EFCAB11: variants seen among roughly 807,000 people sequenced by gnomAD.
EFCAB11 encodes the protein EF-hand calcium binding domain 11, also known as EF-hand calcium-binding domain-containing protein 11.
EFCAB11 carries 14 observed loss-of-function variants against 23.0 expected under a neutral mutation model. The observed-to-expected ratio is 0.61, with a 90% CI of 0.40 to 0.95. The LOEUF is 0.95. EFCAB11 is among the 40% of genes least tolerant of loss of function. The pLI is 0.00. For missense variants in EFCAB11, 198 were observed against 195.8 expected (o/e 1.01, Z -0.07); for synonymous variants, 65 against 66.6 (o/e 0.98, Z 0.11).
intron 5 of EFCAB11, among the ~76,000 whole-genome samples, chr14:89,818,784 T>A (rs1886415583): frequency 6.6e-6 from 1 of 152,154 alleles, no homozygotes; most frequent in African/African-American, 2.4e-5. Context: ...ATATTCAACG[T>A]CATTAGTCAT....
chr14:89,840,671 T>C (rs1566779712), intron 5 of EFCAB11, among the ~76,000 whole-genome samples: 1 of 152,232 alleles, frequency 6.6e-6, no homozygotes, highest in Admixed American at 6.5e-5. Flanking sequence ...GTTCTCTGCA[T>C]TTTAAATAGG....
At chr14:89,913,898 C>T (rs1368699488) in intron 5 of EFCAB11, among the ~76,000 whole-genome samples, 1 of 152,160 alleles carries the variant, frequency 6.6e-6, no homozygotes, top group Non-Finnish European at 1.5e-5. Context: ...CAGAAAGCAT[C>T]CTGCTCCTTG....
chr14:89,923,930 G>A (rs1890101383), intron 5 of EFCAB11: 3 of 985,246 alleles, frequency 3.0e-6, no homozygotes, highest in Non-Finnish European at 3.6e-6. Context: ...AATGTTCTCT[G>A]AAATCACTTT....
intron 5 of EFCAB11, among the ~76,000 whole-genome samples, chr14:89,882,712 A>G (rs1406200125): frequency 6.6e-6 from 1 of 152,178 alleles, no homozygotes; most frequent in African/African-American, 2.4e-5. Context: ...CCCACCTCTC[A>G]GTCTGTGGCT....
intron 5 of EFCAB11, among the ~76,000 whole-genome samples, chr14:89,847,705 C>T (rs1160652253): frequency 2.1e-5 from 3 of 140,982 alleles, no homozygotes; most frequent in East Asian, 2.1e-4. Context: ...CACCATTACA[C>T]TCCAGCCTGG....
intron 5 of EFCAB11, among the ~76,000 whole-genome samples, chr14:89,925,055 A>G (rs1180502292): frequency 1.3e-5 from 2 of 152,254 alleles, no homozygotes; most frequent in East Asian, 3.8e-4. Flanking sequence ...AATAAATACT[A>G]TCAACATTTA....
intron 5 of EFCAB11, among the ~76,000 whole-genome samples, chr14:89,825,740 G>A (rs868113035): frequency 6.7e-6 from 1 of 149,706 alleles, no homozygotes; most frequent in African/African-American, 2.4e-5. Flanking sequence ...TTTATTTCTC[G>A]AAAAAAAAAG....
chr14:89,822,787 C>T (rs1886568809), intron 5 of EFCAB11, among the ~76,000 whole-genome samples: 1 of 152,104 alleles, frequency 6.6e-6, no homozygotes, highest in Non-Finnish European at 1.5e-5. Context: ...ATTCAATAGA[C>T]ACCACAAAGG....
intron 5 of EFCAB11, among the ~76,000 whole-genome samples, chr14:89,871,110 T>C (rs1888255567): frequency 6.6e-6 from 1 of 152,222 alleles, no homozygotes; most frequent in South Asian, 2.1e-4. Flanking sequence ...GTGGATTTTT[T>C]AGTTTGATTA....
chr14:89,853,444 C>T lies in EFCAB11; in HGVS notation c.411-56120G>A, dbSNP rs578058092. Among the ~76,000 whole-genome samples the T allele has an allele frequency of 6.6e-5, 10 of 152,234 alleles. No individual in the cohort carries two copies. The East Asian group carries it at 1.7e-3, about 26-fold the overall frequency. On this transcript the variant is annotated intron_variant, in intron 5 of 5. Coordinates refer to ENST00000316738, the MANE Select transcript of EFCAB11 (RefSeq NM_145231.4). ...GTAACTTGCATTATGTCACTGAATGCCCATAATCCTGTGAGGTGAATATTA... is the reference window on the plus strand; with the variant it reads ...GTAACTTGCATTATGTCACTGAATGTCCATAATCCTGTGAGGTGAATATTA...
rs113855610 is a variant in EFCAB11 at position 89,920,578 on chromosome 14, G to A, written c.410+10963C>T. Among the ~76,000 whole-genome samples the A allele has an allele frequency of 2.1e-3, 327 of 152,328 alleles. 1 individual carries two copies. The highest frequency in any genetic ancestry group is 7.5e-3 in the African/African-American group (311 of 41,572). On this transcript the variant is annotated intron_variant, in intron 5 of 5. Transcript: ENST00000316738. ...GAGCTTTTCCCTCATGTGTAAAATG[G>A]GGACAGACGGAGCCCAACCCAAGAT...
At chr14:89,933,340 C>T (rs1034303702) in intron 3 of EFCAB11, among the ~76,000 whole-genome samples, 1 of 152,162 alleles carries the variant, frequency 6.6e-6, no homozygotes, top group African/African-American at 2.4e-5. Flanking sequence ...AGAATTTAAA[C>T]ATTTTAGTGA....
At chr14:89,909,498 T>C (rs1317396134) in intron 5 of EFCAB11, among the ~76,000 whole-genome samples, 3 of 130,960 alleles carry the variant, frequency 2.3e-5, no homozygotes, top group African/African-American at 4.0e-5. Context: ...GAGAATAGCT[T>C]GAAGCCGGGG....
chr14:89,874,786 GGAGGCT>G (rs1375142528), intron 5 of EFCAB11, among the ~76,000 whole-genome samples: 1 of 152,102 alleles, frequency 6.6e-6, no homozygotes. Context: ...CAGCTACTCG[GGAGGCT>G]GAGGCAAGAG....
At chr14:89,873,233 G>A (rs911757590) in intron 5 of EFCAB11, among the ~76,000 whole-genome samples, 3 of 152,090 alleles carry the variant, frequency 2.0e-5, no homozygotes, top group Admixed American at 6.5e-5. Flanking sequence ...GGGAACTCCC[G>A]TTTATAAAAC....
rs541515458 is a variant in EFCAB11, at chr14:89,830,469, T to A, written c.411-33145A>T. On this transcript the variant is annotated intron_variant, in intron 5 of 5. Coordinates refer to ENST00000316738, the MANE Select transcript of EFCAB11 (RefSeq NM_145231.4). ...ATATGTCTTTTTCAAAAATTTCATT[T>A]TTCTAGTAATTCACTTTTATTAATT... The A allele has an allele frequency of 3.3e-3, 504 of 152,338 alleles. 4 individuals carry two copies. The highest frequency in any genetic ancestry group is 0.011 in the African/African-American group (465 of 41,584). 9.4% of individuals were successfully genotyped at this position (152,338 alleles called of 1,614,324 possible).
At chr14:89,852,133 G>A (rs1887617954) in intron 5 of EFCAB11, among the ~76,000 whole-genome samples, 1 of 152,314 alleles carries the variant, frequency 6.6e-6, no homozygotes, top group East Asian at 1.9e-4. Context: ...TCAGGAGAAC[G>A]CAGTCTTGTT....
chr14:89,811,782 T>G (rs1314465886), intron 5 of EFCAB11, among the ~76,000 whole-genome samples: 1 of 152,180 alleles, frequency 6.6e-6, no homozygotes, highest in Non-Finnish European at 1.5e-5. Context: ...ATTTTGGATT[T>G]TGGCCTCCAG....
chr14:89,810,811 A>T lies in EFCAB11; in HGVS notation c.411-13487T>A, dbSNP rs116511632. On this transcript the variant is annotated intron_variant, in intron 5 of 5. Coordinates refer to ENST00000316738, the MANE Select transcript of EFCAB11 (RefSeq NM_145231.4). ...GAGTCCAGTTACTCATTCACCAGGC[A>T]AACACTAAGAGCCCACTATGGTCCA... Among the ~76,000 whole-genome samples, 1,152 of 151,920 alleles carry T rather than the reference A, an allele frequency of 7.6e-3. 16 individuals carry two copies. Among genetic ancestry groups the T allele is most frequent in the African/African-American group, 0.026 (1,073 of 41,444 alleles).
Sources: gnomAD v4.1 joint callset for allele counts (sites outside exome capture counted in the v4.1 genomes callset) on GRCh38, gnomAD v4.1.1 for gene constraint, MANE v1.5 for transcripts, NCBI Gene and HGNC (gene_info 2026-07-23, HGNC 2026-07-21) for gene names.